Variants in LIN52 observed in about 807,000 individuals in gnomAD.
The protein encoded by LIN52 is lin-52 DREAM MuvB core complex component.
Under a neutral mutation model 18.5 loss-of-function variants are expected in LIN52, and 4 were observed. The observed-to-expected ratio is 0.22, with a 90% CI of 0.11 to 0.49. The LOEUF is 0.49. Ranked by LOEUF, LIN52 falls within the 20% of genes least tolerant of loss-of-function variation. The pLI is 0.97. For synonymous variants in LIN52, 34 were observed against 45.5 expected (o/e 0.75, Z 1.02); for missense variants, 102 against 139.5 (o/e 0.73, Z 1.35).
At chr14:74,099,478 G>A (rs1192549655) in intron 4 of LIN52, among the ~76,000 whole-genome samples, 1 of 152,084 alleles carries the variant, frequency 6.6e-6, no homozygotes, top group African/African-American at 2.4e-5. Context: ...TTTTTAGTGA[G>A]GGATCATAGC....
chr14:74,106,479 C>G (rs1469142244), intron 5 of LIN52, among the ~76,000 whole-genome samples: 1 of 152,024 alleles, frequency 6.6e-6, no homozygotes, highest in Non-Finnish European at 1.5e-5. Flanking sequence ...ACTATGTTGC[C>G]CAGACTGGTC....
chr14:74,099,251 A>G (rs2060837459), intron 4 of LIN52, among the ~76,000 whole-genome samples: 1 of 152,168 alleles, frequency 6.6e-6, no homozygotes, highest in South Asian at 2.1e-4. Context: ...CTAGGTGTAG[A>G]TAATGACTGT....
chr14:74,194,115 T>C (rs2078896382), intron 5 of LIN52, among the ~76,000 whole-genome samples: 1 of 152,162 alleles, frequency 6.6e-6, no homozygotes, highest in African/African-American at 2.4e-5. Context: ...ATAAAACCCA[T>C]ATGTCATTGG....
chr14:74,153,840 G>A lies in LIN52; in HGVS notation c.284-45082G>A, dbSNP rs908383017. On this transcript the variant is annotated intron_variant, in intron 5 of 5. Coordinates refer to ENST00000555028, the MANE Select transcript of LIN52 (RefSeq NM_001024674.3). ...ATTACAGGCGTGAGCCACCATGCCT[G>A]GCGGAAAATGATTTTTTTAAACTCT... Among the ~76,000 whole-genome samples, 5 of 151,972 alleles carry A rather than the reference G, an allele frequency of 3.3e-5. No homozygotes were observed. The East Asian group carries it at 9.6e-4, about 29-fold the overall frequency.
chr14:74,183,776 A>G (rs2061329739), intron 5 of LIN52, among the ~76,000 whole-genome samples: 1 of 152,184 alleles, frequency 6.6e-6, no homozygotes, highest in African/African-American at 2.4e-5. Flanking sequence ...TAGATGTCAT[A>G]CCATTTCATT....
At chr14:74,089,885 T>C (rs1254160267) in intron 1 of LIN52, among the ~76,000 whole-genome samples, 1 of 152,130 alleles carries the variant, frequency 6.6e-6, no homozygotes, top group South Asian at 2.1e-4. Context: ...AATCCTCTTA[T>C]GGGAGAGGGA....
At chr14:74,120,580 C>T (rs183998361) in intron 5 of LIN52, among the ~76,000 whole-genome samples, 8 of 152,126 alleles carry the variant, frequency 5.3e-5, no homozygotes, top group African/African-American at 1.9e-4. Flanking sequence ...CATTGTGAAA[C>T]CCCGTCTCTA....
intron 5 of LIN52, among the ~76,000 whole-genome samples, chr14:74,108,473 G>A (rs1482723345): frequency 6.6e-6 from 1 of 152,178 alleles, no homozygotes; most frequent in African/African-American, 2.4e-5. Flanking sequence ...TTCCAAACTA[G>A]CTGAACCATT....
intron 5 of LIN52, among the ~76,000 whole-genome samples, chr14:74,193,629 T>C (rs936733718): frequency 2.0e-5 from 3 of 152,238 alleles, no homozygotes; most frequent in African/African-American, 7.2e-5. Flanking sequence ...AACTTTCTGT[T>C]TGAAATGAAA....
intron 5 of LIN52, among the ~76,000 whole-genome samples, chr14:74,173,320 T>C (rs2061279338): frequency 6.6e-6 from 1 of 152,290 alleles, no homozygotes; most frequent in East Asian, 1.9e-4. Flanking sequence ...CCTGAATAGC[T>C]GGGATTACAG....
At chr14:74,165,563 C>T (rs2061245738) in intron 5 of LIN52, among the ~76,000 whole-genome samples, 1 of 137,266 alleles carries the variant, frequency 7.3e-6, no homozygotes, top group Non-Finnish European at 1.5e-5. Flanking sequence ...CTGAAGTACA[C>T]AGTGGCACAA....
chr14:74,183,774 A>G (rs2061329709), intron 5 of LIN52, among the ~76,000 whole-genome samples: 1 of 152,160 alleles, frequency 6.6e-6, no homozygotes, highest in Non-Finnish European at 1.5e-5. Context: ...CCTAGATGTC[A>G]TACCATTTCA....
chr14:74,163,626 CA>C (rs952165744), intron 5 of LIN52, among the ~76,000 whole-genome samples: 3 of 152,058 alleles, frequency 2.0e-5, no homozygotes, highest in African/African-American at 4.8e-5. Flanking sequence ...CCTACTAAAA[CA>C]ATTTTTTTAA....
At chr14:74,147,615 G>A (rs1207918531) in intron 5 of LIN52, among the ~76,000 whole-genome samples, 1 of 152,134 alleles carries the variant, frequency 6.6e-6, no homozygotes, top group Admixed American at 6.5e-5. Context: ...ACAGGTGAAT[G>A]GATAAACAAA....
intron 1 of LIN52, 128 bp from the exon 2 acceptor site, chr14:74,091,104 C>T: frequency 1.7e-6 from 1 of 571,428 alleles, no homozygotes; most frequent in Non-Finnish European, 3.1e-6. Context: ...CCAGTGGCAT[C>T]AATAGTTACA....
intron 5 of LIN52, among the ~76,000 whole-genome samples, chr14:74,157,563 C>T (rs2061205083): frequency 6.6e-6 from 1 of 151,836 alleles, no homozygotes; most frequent in South Asian, 2.1e-4. Context: ...ACCTCCTGGA[C>T]TGAAGGGATC....
At chr14:74,196,828 A>C (rs1198934914) in intron 5 of LIN52, among the ~76,000 whole-genome samples, 1 of 152,206 alleles carries the variant, frequency 6.6e-6, no homozygotes, top group Non-Finnish European at 1.5e-5. Context: ...AGAGAAAAGT[A>C]GGGTATTAAC....
chr14:74,168,642 T>C (rs2061259210), intron 5 of LIN52, among the ~76,000 whole-genome samples: 1 of 151,876 alleles, frequency 6.6e-6, no homozygotes, highest in South Asian at 2.1e-4. Context: ...CACTCCAGCC[T>C]GGGTGACAGA....
At chr14:74,188,115 A>T (rs1053975245) in intron 5 of LIN52, among the ~76,000 whole-genome samples, 1 of 152,234 alleles carries the variant, frequency 6.6e-6, no homozygotes, top group Non-Finnish European at 1.5e-5. Context: ...ACCATACACA[A>T]AAATTCATAG....
Sources: gnomAD v4.1 joint callset for allele counts (sites outside exome capture counted in the v4.1 genomes callset) on GRCh38, gnomAD v4.1.1 for gene constraint, MANE v1.5 for transcripts, NCBI Gene and HGNC (gene_info 2026-07-23, HGNC 2026-07-21) for gene names.